Variants in TRDN observed in about 807,000 individuals in gnomAD.
TRDN encodes triadin in skeletal muscle.
A neutral mutation model predicts 149.7 loss-of-function variants in TRDN; 161 were observed. The ratio of observed to expected loss-of-function variants is 1.08; its 90% CI spans 0.95 to 1.23. TRDN has a LOEUF of 1.23. TRDN is among the 50% of genes most tolerant of loss of function. TRDN has a pLI of 0.00. For missense variants in TRDN, 896 were observed against 823.5 expected (o/e 1.09, Z -1.08); for synonymous variants, 294 against 250.5 (o/e 1.17, Z -1.64).
intron 12 of TRDN, among the ~76,000 whole-genome samples, chr6:123,423,832 T>G (rs1774005445): frequency 6.6e-6 from 1 of 152,162 alleles, no homozygotes; most frequent in Admixed American, 6.6e-5. Flanking sequence ...TAGCATTTCT[T>G]GCACTCACTC....
At chr6:123,282,112 G>GAAT (rs1166469639) in intron 24 of TRDN, among the ~76,000 whole-genome samples, 1 of 151,970 alleles carries the variant, frequency 6.6e-6, no homozygotes, top group Non-Finnish European at 1.5e-5. Context: ...CACACAGAGA[G>GAAT]AATACTGTGT....
intron 8 of TRDN, chr6:123,498,364 T>G: frequency 3.3e-6 from 1 of 305,142 alleles, no homozygotes; most frequent in East Asian, 7.8e-5. Flanking sequence ...GAGGAATCCA[T>G]TTTATTATGA....
chr6:123,234,956 T>C (rs1046756610), intron 38 of TRDN, among the ~76,000 whole-genome samples: 5 of 152,046 alleles, frequency 3.3e-5, no homozygotes, highest in Admixed American at 6.6e-5. Flanking sequence ...GGTGGGACAA[T>C]GATAAAATTG....
At chr6:123,300,969 C>T (rs35656463) in intron 24 of TRDN, among the ~76,000 whole-genome samples, 12,514 of 151,922 alleles carry the variant, frequency 0.082, 691 homozygotes, top group South Asian at 0.21. Flanking sequence ...TCTTATTGCA[C>T]TTGATCATTC....
At chr6:123,240,786 A>G (rs1775961857) in intron 38 of TRDN, among the ~76,000 whole-genome samples, 1 of 151,988 alleles carries the variant, frequency 6.6e-6, no homozygotes. Flanking sequence ...GTAAAGTGAT[A>G]AAATTGATTA....
At chr6:123,570,360 T>C (rs1782502970) in intron 2 of TRDN, among the ~76,000 whole-genome samples, 1 of 152,084 alleles carries the variant, frequency 6.6e-6, no homozygotes, top group Non-Finnish European at 1.5e-5. Context: ...ATGTAAAATA[T>C]CATTGAACAA....
intron 10 of TRDN, chr6:123,462,318 T>C (rs1435787218): frequency 6.6e-6 from 1 of 152,116 alleles, no homozygotes; most frequent in East Asian, 1.9e-4. Flanking sequence ...ACTAAATAAG[T>C]GGACTGAGAC....
intron 7 of TRDN, among the ~76,000 whole-genome samples, chr6:123,505,244 C>CAAAA (rs34096424): frequency 1.3e-5 from 1 of 77,070 alleles, no homozygotes; most frequent in Non-Finnish European, 2.2e-5. Flanking sequence ...AACTCTGTCT[C>CAAAA]AAAAAAAAAA....
chr6:123,599,645 A>G (rs1784190311), intron 1 of TRDN, among the ~76,000 whole-genome samples: 1 of 151,508 alleles, frequency 6.6e-6, no homozygotes, highest in African/African-American at 2.4e-5. Flanking sequence ...TAAGGTGGTT[A>G]TTTGGAGCAC....
At chr6:123,414,197 T>C (rs942795932) in intron 12 of TRDN, among the ~76,000 whole-genome samples, 13 of 152,034 alleles carry the variant, frequency 8.6e-5, no homozygotes, top group Non-Finnish European at 1.6e-4. Flanking sequence ...TTCCAATTAA[T>C]AATACTTTCC....
chr6:123,261,843 T>C (rs1776782803), intron 33 of TRDN, among the ~76,000 whole-genome samples: 1 of 151,892 alleles, frequency 6.6e-6, no homozygotes, highest in Admixed American at 6.6e-5. Flanking sequence ...GTAGCAGTAT[T>C]ACAAACTATA....
intron 24 of TRDN, among the ~76,000 whole-genome samples, chr6:123,310,267 A>G (rs1275321943): frequency 6.6e-6 from 1 of 152,088 alleles, no homozygotes; most frequent in Admixed American, 6.6e-5. Context: ...GAAGCATAAA[A>G]AAGTCATAAC....
rs1428609150 is a variant in TRDN at position 123,609,104 on chromosome 6, C to T, written c.22+27650G>A. On this transcript the variant is annotated intron_variant, in intron 1 of 40. Coordinates refer to ENST00000334268, the MANE Select transcript of TRDN (RefSeq NM_006073.4). The stretch of plus-strand genomic sequence containing the variant: ...AGGAGAATCACTTGAACCCAGGAGG[C>T]GGAGGTTGGAGTGAGCCGAGGTTGT... Among the ~76,000 whole-genome samples the T allele has an allele frequency of 6.6e-5, 10 of 151,790 alleles. No homozygotes were observed. In the South Asian group the frequency reaches 1.9e-3, roughly 29 times the overall value.
chr6:123,395,204 T>C (rs1042500662), intron 12 of TRDN, among the ~76,000 whole-genome samples: 5 of 152,184 alleles, frequency 3.3e-5, no homozygotes, highest in Admixed American at 3.3e-4. Flanking sequence ...AATTTTCCTC[T>C]TATCTTCTCC....
chr6:123,315,336 A>C (rs1010214416), intron 24 of TRDN, among the ~76,000 whole-genome samples: 3 of 151,908 alleles, frequency 2.0e-5, no homozygotes, highest in Non-Finnish European at 4.4e-5. Context: ...TGCAGTTTAA[A>C]ATTGTTCAAC....
At chr6:123,302,630 A>G (rs1778469186) in intron 24 of TRDN, among the ~76,000 whole-genome samples, 1 of 151,838 alleles carries the variant, frequency 6.6e-6, no homozygotes, top group Non-Finnish European at 1.5e-5. Flanking sequence ...AAACACTGAA[A>G]AGTCAAAAAA....
chr6:123,352,171 A>G (rs1382494744), intron 21 of TRDN: 1 of 984,728 alleles, frequency 1.0e-6, no homozygotes, highest in Non-Finnish European at 1.2e-6. Flanking sequence ...GGATTGGGCC[A>G]TCTTTATTTT....
At chr6:123,289,747 G>T (rs1004385488) in intron 24 of TRDN, among the ~76,000 whole-genome samples, 11 of 152,028 alleles carry the variant, frequency 7.2e-5, no homozygotes, top group African/African-American at 2.7e-4. Context: ...CTGCCTATGG[G>T]GTAGTCTCTT....
At chr6:123,513,125 G>A (rs1476901481) in intron 6 of TRDN, among the ~76,000 whole-genome samples, 5 of 152,078 alleles carry the variant, frequency 3.3e-5, no homozygotes, top group Non-Finnish European at 7.4e-5. Context: ...TGAGAGACCA[G>A]GTGCCTCCTC....
Sources: gnomAD v4.1 joint callset for allele counts (sites outside exome capture counted in the v4.1 genomes callset) on GRCh38, gnomAD v4.1.1 for gene constraint, MANE v1.5 for transcripts, NCBI Gene and HGNC (gene_info 2026-07-23, HGNC 2026-07-21) for gene names.